Variants in AGXT observed in about 807,000 individuals in gnomAD.
The protein encoded by AGXT is L-alanine: glyoxylate aminotransferase 1.
AGXT carries 41 observed loss-of-function variants against 46.9 expected under a neutral mutation model. The ratio of observed to expected loss-of-function variants is 0.88; its 90% CI spans 0.68 to 1.14. The LOEUF is 1.14. AGXT is among the 50% of genes most tolerant of loss of function. The pLI, the probability that AGXT is intolerant of heterozygous loss-of-function variation, is 0.00. For synonymous variants in AGXT, 244 were observed against 227.9 expected (o/e 1.07, Z -0.64); for missense variants, 525 against 522.7 (o/e 1.00, Z -0.04).
chr2:240,874,852 C>T (rs1008539623), intron 6 of AGXT, among the ~76,000 whole-genome samples: 1 of 152,230 alleles, frequency 6.6e-6, no homozygotes, highest in Non-Finnish European at 1.5e-5. Context: ...AAGGGGCACA[C>T]AGAGTGGAGG....
Position 240,869,300 on chromosome 2 carries a change from C to A in AGXT, c.296C>A (p.Ser99Tyr), listed in dbSNP as rs180177192. The change falls in exon 2 of 11, where the codon TCC (serine) becomes TAC (tyrosine). Residue 99 changes from serine to tyrosine, a missense_variant. Coordinates refer to ENST00000307503, the MANE Select transcript of AGXT (RefSeq NM_000030.3). ...GTCAATGTGCTGGAGCCTGGGGACT[C>A]CTTCCTGGTTGGGGCCAATGGCATT... Reference protein sequence around the residue: ...ALVNVLEPGDSFLVGANGIWG... With the variant: ...ALVNVLEPGDYFLVGANGIWG... The A allele has an allele frequency of 1.2e-6, 2 of 1,612,854 alleles. No individual in the cohort carries two copies. Among genetic ancestry groups the A allele is most frequent in the Non-Finnish European group, 1.7e-6 (2 of 1,179,408 alleles).
chr2:240,874,177 C>A, intron 6 of AGXT, 115 bp downstream of exon 6: 2 of 1,028,376 alleles, frequency 1.9e-6, no homozygotes, highest in Non-Finnish European at 2.9e-6. Context: ...GCTCCTCCAG[C>A]ACCTGGCGCT....
At position 240,871,412 on chromosome 2, in the gene AGXT, C is replaced by A; in HGVS notation, c.487C>A (p.Leu163Met). ...LTHGESSTGVLQPLDGFGELC... is the reference protein window; with the variant it reads ...LTHGESSTGVMQPLDGFGELC... ...CCACGGGGAGTCGTCCACCGGCGTG[C>A]TGCAGCCCCTTGATGGCTTCGGGGA... is the stretch of plus-strand genomic sequence containing the variant. The change falls in exon 4 of 11, where the codon CTG becomes ATG. Residue 163 changes from leucine to methionine, a missense_variant. By Grantham distance (15) the Leu-to-Met change is conservative (BLOSUM62 2). Coordinates refer to ENST00000307503, the MANE Select transcript of AGXT (RefSeq NM_000030.3). The A allele has an allele frequency of 6.3e-7, 1 of 1,599,724 alleles. No homozygotes were observed. The highest frequency in any genetic ancestry group is 1.3e-5 in the African/African-American group (1 of 74,830).
At chr2:240,875,421 G>A (rs2059018784) in intron 7 of AGXT, among the ~76,000 whole-genome samples, 2 of 152,206 alleles carry the variant, frequency 1.3e-5, no homozygotes, top group African/African-American at 4.8e-5. Context: ...GCAGGGTCAT[G>A]GCCCCCACTG....
chr2:240,874,546 G>A (rs937410676), intron 6 of AGXT, among the ~76,000 whole-genome samples: 13 of 152,258 alleles, frequency 8.5e-5, no homozygotes, highest in African/African-American at 3.1e-4. Flanking sequence ...CTGCAGCCTG[G>A]CAACTGGAGG....
intron 5 of AGXT, 73 bp from the exon 6 acceptor site, chr2:240,873,905 A>T: frequency 1.5e-6 from 2 of 1,334,612 alleles, no homozygotes; most frequent in Non-Finnish European, 2.2e-6. Flanking sequence ...CCCATTAGCT[A>T]GGCAGGCATC....
rs373293797 is a variant in AGXT at position 240,873,936 on chromosome 2, G to C, written c.596-42G>C. 7.9e-5 allele frequency: 125 copies of C among 1,586,218 alleles called. 1 individual carries two copies. The African/African-American group carries it at 1.6e-3, about 20-fold the overall frequency. On this transcript the variant is annotated intron_variant, in intron 5 of 10. Coordinates refer to ENST00000307503, the MANE Select transcript of AGXT (RefSeq NM_000030.3). ...GCATCCCGCTGGACTGGCCTGCCCT[G>C]AGGTGGGACTCACCCGTCCCGAGCA... is the stretch of plus-strand genomic sequence containing the variant.
At position 240,874,008 on chromosome 2, in the gene AGXT, A is replaced by C; in HGVS notation, c.626A>C (p.Lys209Thr). 6.2e-7 allele frequency: 1 copy of C among 1,613,738 alleles called. No homozygotes were observed. Among genetic ancestry groups the C allele is most frequent in the Non-Finnish European group, 8.5e-7 (1 of 1,180,006 alleles). Residue 209 changes from lysine (K) to threonine (T), a missense_variant, in exon 6 of 11, where the codon AAG (lysine) becomes ACG (threonine). Transcript: ENST00000307503. ...GACATCCTGTACTCGGGCTCCCAGA[A>C]GGCCCTGAACGCCCCTCCAGGGACC... Reference protein sequence around the residue: ...GIDILYSGSQKALNAPPGTSL... With the variant: ...GIDILYSGSQTALNAPPGTSL...
chr2:240,877,629 C>T lies in AGXT; in HGVS notation c.939C>T (p.Asp313=), dbSNP rs2106431779. The T allele has an allele frequency of 6.4e-7, 1 of 1,550,774 alleles. No homozygotes were observed. Among genetic ancestry groups the T allele is most frequent in the Non-Finnish European group, 8.7e-7 (1 of 1,147,002 alleles). The change falls in exon 9 of 11, where the codon GAC becomes GAT. Residue 313 remains aspartate, a synonymous_variant. Transcript: ENST00000307503. ...TGGGGCTGCAGCTCTTCGTGAAGGA[C>T]CCGGTAAGGAGGCCCCTGGCATTGG... The part of the protein sequence containing the change: ...QALGLQLFVK[D]PALRLPTVTT...
At position 240,874,030 on chromosome 2, in the gene AGXT, G is replaced by C. The variant is rs202008684; in HGVS notation, c.648G>C (p.Gly216=). The C allele has an allele frequency of 6.2e-7, 1 of 1,613,698 alleles. No homozygotes were observed. Among genetic ancestry groups the C allele is most frequent in the African/African-American group, 1.3e-5 (1 of 75,052 alleles). Residue 216 remains glycine, a synonymous_variant, in exon 6 of 11, where the codon GGG becomes GGC. Transcript: ENST00000307503. ...AGAAGGCCCTGAACGCCCCTCCAGG[G>C]ACCTCGCTCATCTCCTTCAGTGACA... The part of the protein sequence containing the change: ...GSQKALNAPP[G]TSLISFSDKA...
chr2:240,876,914 TG>T (rs2059027526), intron 8 of AGXT: 1 of 205,818 alleles, frequency 4.9e-6, no homozygotes, highest in African/African-American at 2.3e-5. Context: ...CACAGGGACC[TG>T]GCAGAGTGCA....
intron 3 of AGXT, 111 bp from the exon 4 acceptor site, chr2:240,871,238 A>G: frequency 1.1e-6 from 1 of 887,524 alleles, no homozygotes; most frequent in African/African-American, 1.6e-5. Context: ...GGAGGAGTAG[A>G]GGCAGGCCCA....
rs200354315 is a variant in AGXT at position 240,875,245 on chromosome 2, A to G, written c.776+41A>G. 1.4e-4 allele frequency: 209 copies of G among 1,533,162 alleles called. 3 individuals are homozygous for G. In the African/African-American group the frequency reaches 2.7e-3, roughly 20 times the overall value. The allele number at this position is 1,533,162 out of a possible 1,614,324, so 95.0% of individuals were successfully genotyped here. On this transcript the variant is annotated intron_variant, in intron 7 of 10. Coordinates refer to ENST00000307503, the MANE Select transcript of AGXT (RefSeq NM_000030.3). ...GATGGGAAGGTGGAGGGCGCTGGGC[A>G]TGGCTGAGAGGTGGGGCGCTGGCCT... is the stretch of plus-strand genomic sequence containing the variant.
At chr2:240,875,733 C>A (rs1442572525) in intron 7 of AGXT, among the ~76,000 whole-genome samples, 1 of 152,130 alleles carries the variant, frequency 6.6e-6, no homozygotes, top group Admixed American at 6.6e-5. Flanking sequence ...CCTGGCTGGG[C>A]CCTACACAAG....
rs1438238017 is a variant in AGXT, at chr2:240,878,924, C to G, written c.*103C>G. ...CTGCAAGGTCCTCCAGGCCTGGGGACAGGAAAGCCACTGACCCAGCCCGGG... is the reference window on the plus strand; with the variant it reads ...CTGCAAGGTCCTCCAGGCCTGGGGAGAGGAAAGCCACTGACCCAGCCCGGG... On this transcript the variant is annotated 3_prime_UTR_variant, in exon 11 of 11. Coordinates refer to ENST00000307503, the MANE Select transcript of AGXT (RefSeq NM_000030.3). 2 of 1,251,628 alleles carry G rather than the reference C, an allele frequency of 1.6e-6. No individual in the cohort carries two copies. The highest frequency in any genetic ancestry group is 1.5e-5 in the African/African-American group (1 of 67,468). 77.5% of individuals were successfully genotyped at this position (1,251,628 alleles called of 1,614,324 possible).
intron 8 of AGXT, among the ~76,000 whole-genome samples, 188 bp downstream of exon 8, chr2:240,876,192 T>C (rs1319437655): frequency 6.6e-6 from 1 of 152,112 alleles, no homozygotes; most frequent in Non-Finnish European, 1.5e-5. Context: ...GCCAGGGGGA[T>C]ACAGCCCCAG....
At chr2:240,873,666 C>T (rs1195060383) in intron 5 of AGXT, among the ~76,000 whole-genome samples, 1 of 152,040 alleles carries the variant, frequency 6.6e-6, no homozygotes, top group Non-Finnish European at 1.5e-5. Context: ...TGGGCTGATC[C>T]TCAAACTACT....
rs921423382 is a variant in AGXT at position 240,875,816 on chromosome 2, A to G, written c.777-119A>G. On this transcript the variant is annotated intron_variant, in intron 7 of 10. Transcript: ENST00000307503. ...GAACCCGGACAGGACTCCTCTGCGGAGGATACCGGCCTGTGGTCAGAGAGC... is the reference window on the plus strand; with the variant it reads ...GAACCCGGACAGGACTCCTCTGCGGGGGATACCGGCCTGTGGTCAGAGAGC... The G allele has an allele frequency of 9.8e-6, 11 of 1,127,684 alleles. No individual in the cohort carries two copies. In the Middle Eastern group the frequency reaches 7.9e-4, roughly 81 times the overall value. 69.9% of individuals were successfully genotyped at this position (1,127,684 alleles called of 1,614,324 possible). A position where few individuals can be genotyped will look rare whatever the true frequency, so the allele number is the denominator to read the frequency against.
intron 10 of AGXT, 121 bp downstream of exon 10, chr2:240,878,271 G>T: frequency 7.1e-7 from 1 of 1,401,158 alleles, no homozygotes; most frequent in East Asian, 2.4e-5. Context: ...TTGCAGGAGC[G>T]TCCAGAAGGG....
Sources: gnomAD v4.1 joint callset for allele counts (sites outside exome capture counted in the v4.1 genomes callset) on GRCh38, gnomAD v4.1.1 for gene constraint, MANE v1.5 for transcripts, NCBI Gene and HGNC (gene_info 2026-07-23, HGNC 2026-07-21) for gene names.